The following RASEF variants were observed in gnomAD, a reference collection of about 807,000 sequenced individuals.
RASEF encodes ras and EF-hand domain-containing protein.
A neutral mutation model predicts 90.1 loss-of-function variants in RASEF; 68 were observed. That is an observed-to-expected ratio of 0.75 (90% CI 0.62 to 0.92). The LOEUF is 0.92. Among genes scored for constraint, RASEF ranks in the 40% least tolerant of loss-of-function variants. RASEF has a pLI of 0.00. For missense variants in RASEF, 949 were observed against 937.2 expected (o/e 1.01, Z -0.16); for synonymous variants, 331 against 345.2 (o/e 0.96, Z 0.46).
chr9:83,028,537 C>T (rs947936825), intron 1 of RASEF, among the ~76,000 whole-genome samples: 3 of 152,186 alleles, frequency 2.0e-5, no homozygotes, highest in Non-Finnish European at 4.4e-5. Context: ...TTGAAGGCAG[C>T]ATTTTAAGAT....
intron 4 of RASEF, among the ~76,000 whole-genome samples, chr9:83,013,079 C>A (rs1329462302): frequency 1.3e-5 from 2 of 152,148 alleles, no homozygotes; most frequent in Non-Finnish European, 2.9e-5. Flanking sequence ...TACATTTAAG[C>A]TTTGCTTGAT....
rs1828599231 is a variant in RASEF at position 82,981,456 on chromosome 9, G to A, written c.*1221C>T. 1 of 152,180 alleles carries A rather than the reference G, an allele frequency of 6.6e-6. No homozygotes were observed. The allele number at this position is 152,180 out of a possible 1,614,324, so 9.4% of individuals were successfully genotyped here. ...TTTCTTTCATTGATTATTACTTAAGGAAGTTAATGTTAGCAACCAGGGAGT... is the reference window on the plus strand; with the variant it reads ...TTTCTTTCATTGATTATTACTTAAGAAAGTTAATGTTAGCAACCAGGGAGT... On this transcript the variant is annotated 3_prime_UTR_variant, in exon 17 of 17. Transcript: ENST00000376447.
the RASEF span, among the ~76,000 whole-genome samples, chr9:83,120,696 T>C: frequency 8.5e-5 from 13 of 152,216 alleles, no homozygotes; most frequent in Non-Finnish European, 1.3e-4. Context: ...TCAGAAGTCT[T>C]TCAACTCAGA....
the RASEF span, among the ~76,000 whole-genome samples, chr9:83,135,826 C>G: frequency 6.6e-6 from 1 of 152,016 alleles, no homozygotes; most frequent in African/African-American, 2.4e-5. Context: ...TAATTTCTTC[C>G]AAGGATTTCT....
In RASEF at chr9:83,006,323, C is replaced by T. The variant is rs377470931; in HGVS notation, c.1029-823G>A. Among the ~76,000 whole-genome samples the T allele has an allele frequency of 2.5e-4, 38 of 152,248 alleles. No individual in the cohort carries two copies. The East Asian group carries it at 2.9e-3, about 12-fold the overall frequency. ...TCTGTCTTCTTCCCCTAAACTAGCC[C>T]CATAAGGGGAAAGAGATTTTTCACC... On this transcript the variant is annotated intron_variant, in intron 7 of 16. Transcript: ENST00000376447.
At chr9:83,139,155 G>C in the RASEF span, among the ~76,000 whole-genome samples, 2 of 152,168 alleles carry the variant, frequency 1.3e-5, no homozygotes, top group Admixed American at 1.3e-4. Flanking sequence ...TAGGGAGCTT[G>C]TTAGACAAGC....
At chr9:83,211,118 A>G in the RASEF span, among the ~76,000 whole-genome samples, 1 of 152,218 alleles carries the variant, frequency 6.6e-6, no homozygotes, top group South Asian at 2.1e-4. Flanking sequence ...AAAGGATTCA[A>G]TTCAAAATCA....
the RASEF span, among the ~76,000 whole-genome samples, chr9:83,168,163 C>T: frequency 7.9e-5 from 12 of 152,206 alleles, no homozygotes; most frequent in African/African-American, 1.9e-4. Flanking sequence ...TCCCTATCAA[C>T]ACTTGTTATG....
chr9:83,092,795 G>T, the RASEF span, among the ~76,000 whole-genome samples: 1 of 152,066 alleles, frequency 6.6e-6, no homozygotes, highest in Non-Finnish European at 1.5e-5. Flanking sequence ...TGATTGGTGC[G>T]TTTACAATCC....
At chr9:83,200,953 G>C in the RASEF span, 2 of 152,198 alleles carry the variant, frequency 1.3e-5, no homozygotes, top group Non-Finnish European at 2.9e-5. Flanking sequence ...AAGGGTCATA[G>C]ACCCATAGAC....
chr9:83,027,648 T>G (rs1829571606), intron 1 of RASEF, among the ~76,000 whole-genome samples: 2 of 152,182 alleles, frequency 1.3e-5, no homozygotes. Flanking sequence ...TTAACCAGAT[T>G]CAGTAGCTGA....
chr9:83,203,615 A>C, the RASEF span, among the ~76,000 whole-genome samples: 1 of 152,148 alleles, frequency 6.6e-6, no homozygotes, highest in South Asian at 2.1e-4. Flanking sequence ...GAAAGTGAAA[A>C]TAGGATGCCT....
chr9:83,023,187 G>A (rs1829474194), intron 2 of RASEF, among the ~76,000 whole-genome samples: 1 of 152,096 alleles, frequency 6.6e-6, no homozygotes, highest in Non-Finnish European at 1.5e-5. Context: ...ATATGTTAAA[G>A]TGAGAAGGGA....
chr9:83,191,839 G>A, the RASEF span, among the ~76,000 whole-genome samples: 1 of 152,142 alleles, frequency 6.6e-6, no homozygotes, highest in Non-Finnish European at 1.5e-5. Flanking sequence ...TGGATGAATG[G>A]TATACAGGAA....
the RASEF span, among the ~76,000 whole-genome samples, chr9:83,093,749 C>A: frequency 6.6e-6 from 1 of 152,228 alleles, no homozygotes; most frequent in Non-Finnish European, 1.5e-5. Flanking sequence ...CAGAAAGGGG[C>A]TCCCACAGTG....
chr9:83,130,698 G>GA, the RASEF span, among the ~76,000 whole-genome samples: 4 of 152,108 alleles, frequency 2.6e-5, no homozygotes, highest in Non-Finnish European at 5.9e-5. Flanking sequence ...AGCATACAAG[G>GA]AAACAAGTAT....
the RASEF span, among the ~76,000 whole-genome samples, chr9:83,113,764 T>C: frequency 6.6e-6 from 1 of 152,132 alleles, no homozygotes; most frequent in Admixed American, 6.6e-5. Context: ...GTCAGACCGG[T>C]TCTCTGCTCT....
intron 1 of RASEF, among the ~76,000 whole-genome samples, chr9:83,037,744 ATTTTTTT>A (rs35483330): frequency 2.3e-5 from 3 of 131,864 alleles, no homozygotes; most frequent in South Asian, 2.5e-4. Context: ...TAAATGTCCT[ATTTTTTT>A]TTTTTTTTTT....
chr9:82,994,050 C>T (rs1828862537), intron 14 of RASEF, among the ~76,000 whole-genome samples: 1 of 152,108 alleles, frequency 6.6e-6, no homozygotes, highest in African/African-American at 2.4e-5. Context: ...CTAAAGATAC[C>T]TGCGTACTCA....
Sources: gnomAD v4.1 joint callset for allele counts (sites outside exome capture counted in the v4.1 genomes callset) on GRCh38, gnomAD v4.1.1 for gene constraint, MANE v1.5 for transcripts, NCBI Gene and HGNC (gene_info 2026-07-23, HGNC 2026-07-21) for gene names.